Variants in TACR3 observed in about 807,000 individuals in gnomAD.
TACR3 encodes the protein tachykinin receptor 3.
Under a neutral mutation model 35.0 loss-of-function variants are expected in TACR3, and 34 were observed. The ratio of observed to expected loss-of-function variants is 0.97; its 90% CI spans 0.74 to 1.30. The LOEUF is 1.30. TACR3 is among the 50% of genes most tolerant of loss of function. The pLI, the probability that TACR3 is intolerant of heterozygous loss-of-function variation, is 0.00. For missense variants in TACR3, 558 were observed against 591.7 expected, an observed-to-expected ratio of 0.94 and a Z score of 0.59; for synonymous variants, 233 against 221.1, an observed-to-expected ratio of 1.05 and a Z score of -0.48.
In TACR3 at chr4:103,666,633, G is replaced by C. The variant is rs546182483; in HGVS notation, c.549-8230C>G. Among the ~76,000 whole-genome samples, 4 of 151,936 alleles carry C rather than the reference G, an allele frequency of 2.6e-5. No individual in the cohort carries two copies. In the East Asian group the frequency reaches 7.7e-4, roughly 29 times the overall value. The stretch of plus-strand genomic sequence containing the variant: ...TTAAATAGTAATTACAAAATGATTT[G>C]TATCAAAATGCTGCATCAGTAAAGA... On this transcript the variant is annotated intron_variant, in intron 1 of 4. Transcript: ENST00000304883.
chr4:103,687,462 T>G (rs915915538), intron 1 of TACR3, among the ~76,000 whole-genome samples: 13 of 152,156 alleles, frequency 8.5e-5, no homozygotes, highest in Non-Finnish European at 1.5e-4. Context: ...AAATTGTCCC[T>G]GTTTGCAGAT....
At chr4:103,653,107 AG>A (rs1725658033) in intron 3 of TACR3, among the ~76,000 whole-genome samples, 1 of 152,104 alleles carries the variant, frequency 6.6e-6, no homozygotes, top group Admixed American at 6.6e-5. Context: ...CCATGATGTA[AG>A]GGGCCATTTC....
chr4:103,668,106 C>T (rs1725972351), intron 1 of TACR3, among the ~76,000 whole-genome samples: 2 of 152,154 alleles, frequency 1.3e-5, no homozygotes, highest in Admixed American at 6.5e-5. Flanking sequence ...TGGTGAATCA[C>T]CACACCTGGC....
intron 3 of TACR3, among the ~76,000 whole-genome samples, chr4:103,648,896 A>T (rs1725520789): frequency 1.3e-5 from 2 of 152,074 alleles, no homozygotes; most frequent in Non-Finnish European, 2.9e-5. Flanking sequence ...GTTAATTTAC[A>T]TTCCCATCAA....
In TACR3 at chr4:103,656,462, C is replaced by T. The variant is rs1428720922; in HGVS notation, c.738-118G>A. On this transcript the variant is annotated intron_variant, in intron 2 of 4. Coordinates refer to ENST00000304883, the MANE Select transcript of TACR3 (RefSeq NM_001059.3). ...ACCAAGAGTTATTTCTACATTATCT[C>T]TATACATTCATCTCAAAATTCCATC... 13 of 934,038 alleles carry T rather than the reference C, an allele frequency of 1.4e-5. No homozygotes were observed. The Admixed American group carries it at 2.7e-4, about 20-fold the overall frequency. The allele number at this position is 934,038 out of a possible 1,614,324, so 57.9% of individuals were successfully genotyped here. A position where few individuals can be genotyped will look rare whatever the true frequency, so the allele number is the denominator to read the frequency against.
chr4:103,665,728 C>T (rs1258145408), intron 1 of TACR3, among the ~76,000 whole-genome samples: 10 of 152,106 alleles, frequency 6.6e-5, no homozygotes. Context: ...GTTAAATGTT[C>T]CTTGGGGCTT....
At chr4:103,697,894 G>A (rs1322919018) in intron 1 of TACR3, among the ~76,000 whole-genome samples, 1 of 152,102 alleles carries the variant, frequency 6.6e-6, no homozygotes, top group Non-Finnish European at 1.5e-5. Flanking sequence ...TTTCCAGTGA[G>A]TCCTGTTTCA....
chr4:103,686,435 A>C (rs993499007), intron 1 of TACR3, among the ~76,000 whole-genome samples: 1 of 152,180 alleles, frequency 6.6e-6, no homozygotes, highest in Non-Finnish European at 1.5e-5. Context: ...CACAAGAAAA[A>C]AACTGAGCAA....
intron 1 of TACR3, among the ~76,000 whole-genome samples, chr4:103,696,299 A>G (rs1318387272): frequency 2.0e-5 from 3 of 152,302 alleles, no homozygotes; most frequent in African/African-American, 7.2e-5. Flanking sequence ...AATCTTTAAC[A>G]TTTTTGATAA....
chr4:103,675,503 G>A (rs1348322603), intron 1 of TACR3, among the ~76,000 whole-genome samples: 4 of 152,194 alleles, frequency 2.6e-5, no homozygotes, highest in African/African-American at 4.8e-5. Flanking sequence ...CATTTACAAA[G>A]TTATCGGTAG....
intron 1 of TACR3, among the ~76,000 whole-genome samples, chr4:103,706,871 T>A (rs1236379733): frequency 6.6e-6 from 1 of 152,234 alleles, no homozygotes; most frequent in Admixed American, 6.5e-5. Context: ...TTGCCATATA[T>A]TACAACTTTG....
At position 103,699,922 on chromosome 4, in the gene TACR3, C is replaced by A. The variant is rs192856320; in HGVS notation, c.548+19206G>T. Among the ~76,000 whole-genome samples, 22 of 152,186 alleles carry A rather than the reference C, an allele frequency of 1.4e-4. No homozygotes were observed. In the East Asian group the frequency reaches 3.7e-3, roughly 25 times the overall value. The stretch of plus-strand genomic sequence containing the variant: ...CGTATTTAAAACTCTGGATTACTGA[C>A]AAGGGTTTTAAACTAGAGGTATTAA... On this transcript the variant is annotated intron_variant, in intron 1 of 4. Coordinates refer to ENST00000304883, the MANE Select transcript of TACR3 (RefSeq NM_001059.3).
At chr4:103,594,658 G>T (rs990789247) in intron 3 of TACR3, among the ~76,000 whole-genome samples, 2 of 152,006 alleles carry the variant, frequency 1.3e-5, no homozygotes, top group African/African-American at 4.8e-5. Context: ...ACCTACTAAG[G>T]CTATCAGTCC....
At chr4:103,603,493 T>TG (rs563155217) in intron 3 of TACR3, among the ~76,000 whole-genome samples, 6 of 152,242 alleles carry the variant, frequency 3.9e-5, no homozygotes, top group Non-Finnish European at 8.8e-5. Flanking sequence ...TTGCTCACGC[T>TG]GGGCGAACTT....
chr4:103,687,824 A>G (rs1419521996), intron 1 of TACR3, among the ~76,000 whole-genome samples: 3 of 152,298 alleles, frequency 2.0e-5, no homozygotes, highest in South Asian at 4.1e-4. Context: ...CATACTGCCC[A>G]AGGTAATTTA....
intron 1 of TACR3, among the ~76,000 whole-genome samples, chr4:103,689,801 C>G (rs1318377024): frequency 6.6e-6 from 1 of 151,874 alleles, no homozygotes; most frequent in African/African-American, 2.4e-5. Context: ...CTGAAAACTC[C>G]CTAAATTTGA....
rs572731092 is a variant in TACR3, at chr4:103,601,000, A to G, written c.889-9317T>C. 2.0e-5 allele frequency among the ~76,000 whole-genome samples: 3 copies of G among 152,170 alleles called. No individual in the cohort carries two copies. The South Asian group carries it at 6.2e-4, about 32-fold the overall frequency. ...TCAGCTTTGTGCAGAGCTGAGTTCA[A>G]TTCTTGGGTATCTTTGTTAACTTTC... On this transcript the variant is annotated intron_variant, in intron 3 of 4. Transcript: ENST00000304883.
chr4:103,614,292 C>G (rs1424486919), intron 3 of TACR3, among the ~76,000 whole-genome samples: 1 of 152,050 alleles, frequency 6.6e-6, no homozygotes, highest in Non-Finnish European at 1.5e-5. Flanking sequence ...GAAAGCTATT[C>G]AAGGAATATC....
intron 3 of TACR3, among the ~76,000 whole-genome samples, chr4:103,621,033 C>T (rs927775653): frequency 2.6e-5 from 4 of 152,174 alleles, no homozygotes; most frequent in African/African-American, 9.7e-5. Flanking sequence ...GGTAAAATTT[C>T]TTGGAACAGA....
Sources: gnomAD v4.1 joint callset for allele counts (sites outside exome capture counted in the v4.1 genomes callset) on GRCh38, gnomAD v4.1.1 for gene constraint, MANE v1.5 for transcripts, NCBI Gene and HGNC (gene_info 2026-07-23, HGNC 2026-07-21) for gene names.